TOX3: variants seen among roughly 807,000 people sequenced by gnomAD.
TOX3 encodes the protein CAG trinucleotide repeat-containing gene F9 protein.
Under a neutral mutation model 64.3 loss-of-function variants are expected in TOX3, and 22 were observed. The ratio of observed to expected loss-of-function variants is 0.34; its 90% CI spans 0.24 to 0.49. The LOEUF (loss-of-function observed/expected upper bound fraction) is 0.49, where lower values mean the gene tolerates loss of function less well. TOX3 is among the 20% of genes least tolerant of loss of function. The pLI is 0.99. For missense variants in TOX3, 661 were observed against 714.4 expected (o/e 0.93, Z 0.85); for synonymous variants, 291 against 273.6 (o/e 1.06, Z -0.63).
At chr16:52,471,162 A>G (rs1271537380) in intron 1 of TOX3, among the ~76,000 whole-genome samples, 1 of 152,186 alleles carries the variant, frequency 6.6e-6, no homozygotes. Context: ...ATAATAAAAG[A>G]ACTATTCTTT....
rs575911621 is a variant in TOX3 at position 52,502,041 on chromosome 16, G to A, written c.88-33467C>T. Among the ~76,000 whole-genome samples the A allele has an allele frequency of 7.2e-5, 11 of 152,276 alleles. No individual in the cohort carries two copies. In the South Asian group the frequency reaches 1.9e-3, roughly 26 times the overall value. On this transcript the variant is annotated intron_variant, in intron 1 of 6. Transcript: ENST00000219746. Reference sequence around the variant, plus strand: ...CATGCCAATGAGGGAAAAAGTGGCCGCGATTTCCCAGGTGGCTTAGTAATA... The same window carrying A: ...CATGCCAATGAGGGAAAAAGTGGCCACGATTTCCCAGGTGGCTTAGTAATA...
In TOX3 at chr16:52,439,314, C is replaced by T. The variant is rs751004511; in HGVS notation, c.1642G>A (p.Gly548Arg). Reference protein sequence around the residue: ...SQITSPIPAIGSPQPASQQHQ... With the variant: ...SQITSPIPAIRSPQPASQQHQ... Reference sequence around the variant, plus strand: ...TGCTGAGAGGCTGGCTGGGGGCTCCCGATGGCAGGGATGGGGGATGTTATC... The same window carrying T: ...TGCTGAGAGGCTGGCTGGGGGCTCCTGATGGCAGGGATGGGGGATGTTATC... The change falls in exon 7 of 7, where the codon GGG (glycine) becomes AGG (arginine). Residue 548 changes from glycine to arginine, a missense_variant. Coordinates refer to ENST00000219746, the MANE Select transcript of TOX3 (RefSeq NM_001080430.4). 1.5e-5 allele frequency: 25 copies of T among 1,613,414 alleles called. No homozygotes were observed. Among genetic ancestry groups the T allele is most frequent in the East Asian group, 1.3e-4 (6 of 44,836 alleles).
At chr16:52,452,449 A>G (rs1833232) in intron 3 of TOX3, among the ~76,000 whole-genome samples, 109,706 of 151,380 alleles carry the variant, frequency 0.72, 40,670 homozygotes, top group East Asian at 0.88. Context: ...AGTATTCCAT[A>G]GTGTATATGT....
chr16:52,516,107 T>G (rs962233880), intron 1 of TOX3, among the ~76,000 whole-genome samples: 3 of 152,150 alleles, frequency 2.0e-5, no homozygotes, highest in Non-Finnish European at 4.4e-5. Context: ...TGGTCCAAAG[T>G]GTTGGTATTG....
At chr16:52,464,916 A>G (rs928960990) in intron 2 of TOX3, among the ~76,000 whole-genome samples, 19 of 150,154 alleles carry the variant, frequency 1.3e-4, no homozygotes, top group African/African-American at 4.6e-4. Context: ...ATAGAGCTAT[A>G]TTGATATAGA....
At chr16:52,442,583 CA>C (rs1227750052) in intron 6 of TOX3, among the ~76,000 whole-genome samples, 3 of 152,116 alleles carry the variant, frequency 2.0e-5, no homozygotes, top group Non-Finnish European at 2.9e-5. Flanking sequence ...CTGTGGGATC[CA>C]AAACAGAACC....
chr16:52,540,757 C>T (rs572376366), intron 1 of TOX3, among the ~76,000 whole-genome samples: 1 of 152,228 alleles, frequency 6.6e-6, no homozygotes, highest in East Asian at 1.9e-4. Flanking sequence ...TTTCATGTGA[C>T]GATGTGACAC....
intron 1 of TOX3, among the ~76,000 whole-genome samples, chr16:52,532,278 C>T (rs916645079): frequency 6.6e-6 from 1 of 152,216 alleles, no homozygotes; most frequent in Admixed American, 6.5e-5. Context: ...TCCCCTAGAA[C>T]CTGGGCTGGC....
At chr16:52,485,372 T>C (rs1961502412) in intron 1 of TOX3, among the ~76,000 whole-genome samples, 1 of 151,086 alleles carries the variant, frequency 6.6e-6, no homozygotes, top group Non-Finnish European at 1.5e-5. Flanking sequence ...CTAAGTAAAC[T>C]TAACTCAGAA....
intron 1 of TOX3, chr16:52,519,527 C>T: frequency 1.3e-6 from 2 of 1,546,306 alleles, no homozygotes. Context: ...CTACCCTCTT[C>T]TGACTCTTCT....
chr16:52,497,175 C>T (rs1044161565), intron 1 of TOX3, among the ~76,000 whole-genome samples: 5 of 152,190 alleles, frequency 3.3e-5, no homozygotes, highest in South Asian at 2.1e-4. Flanking sequence ...AGCAATACTT[C>T]GGGATCCTCA....
chr16:52,537,097 G>C (rs1312095025), intron 1 of TOX3, among the ~76,000 whole-genome samples: 1 of 151,834 alleles, frequency 6.6e-6, no homozygotes, highest in Non-Finnish European at 1.5e-5. Flanking sequence ...AACATGTTCA[G>C]ACATTGTCTT....
intron 1 of TOX3, among the ~76,000 whole-genome samples, chr16:52,534,900 C>T (rs1014220323): frequency 2.6e-5 from 4 of 152,008 alleles, no homozygotes; most frequent in African/African-American, 9.7e-5. Context: ...AAATTTGGGC[C>T]TAAAATGCAG....
chr16:52,515,581 A>C (rs116333714), intron 1 of TOX3, among the ~76,000 whole-genome samples: 331 of 152,316 alleles, frequency 2.2e-3, no homozygotes, highest in African/African-American at 7.8e-3. Context: ...ATTATCACTC[A>C]ATTATTCAGT....
intron 1 of TOX3, among the ~76,000 whole-genome samples, chr16:52,531,379 A>G (rs930810247): frequency 1.3e-5 from 2 of 152,188 alleles, no homozygotes; most frequent in Admixed American, 6.5e-5. Context: ...CTGTTTTCCA[A>G]GGAATTTTAT....
At chr16:52,488,542 T>A (rs1427869495) in intron 1 of TOX3, among the ~76,000 whole-genome samples, 1 of 152,196 alleles carries the variant, frequency 6.6e-6, no homozygotes, top group African/African-American at 2.4e-5. Flanking sequence ...GGATGCAATT[T>A]TTTCTTCTTG....
intron 1 of TOX3, among the ~76,000 whole-genome samples, chr16:52,534,678 T>C (rs1488230075): frequency 1.3e-5 from 2 of 152,094 alleles, no homozygotes; most frequent in South Asian, 2.1e-4. Context: ...GCCAGTAGAC[T>C]GGACTCTGGG....
At chr16:52,502,748 A>T (rs1048288297) in intron 1 of TOX3, among the ~76,000 whole-genome samples, 6 of 152,230 alleles carry the variant, frequency 3.9e-5, no homozygotes, top group Non-Finnish European at 5.9e-5. Context: ...GAACCCAGGT[A>T]ATGCAGTTTC....
At chr16:52,491,454 A>C (rs1238443396) in intron 1 of TOX3, among the ~76,000 whole-genome samples, 1 of 152,194 alleles carries the variant, frequency 6.6e-6, no homozygotes, top group East Asian at 1.9e-4. Context: ...AAATGGGAGT[A>C]ATGTTTTATT....
Sources: gnomAD v4.1 joint callset for allele counts (sites outside exome capture counted in the v4.1 genomes callset) on GRCh38, gnomAD v4.1.1 for gene constraint, MANE v1.5 for transcripts, NCBI Gene and HGNC (gene_info 2026-07-23, HGNC 2026-07-21) for gene names.